The following ST8SIA1 variants were observed in gnomAD, a reference collection of about 807,000 sequenced individuals.
ST8SIA1 encodes ST8 alpha-N-acetyl-neuraminide alpha-2,8-sialyltransferase 1.
ST8SIA1 carries 16 observed loss-of-function variants against 35.9 expected under a neutral mutation model. The ratio of observed to expected loss-of-function variants is 0.45; its 90% confidence interval spans 0.30 to 0.68. The LOEUF (loss-of-function observed/expected upper bound fraction) is 0.68, where lower values mean the gene tolerates loss of function less well. ST8SIA1 is among the 30% of genes least tolerant of loss of function. ST8SIA1 has a pLI of 0.09. For synonymous variants in ST8SIA1, 170 were observed against 169.6 expected (o/e 1.00, Z -0.02); for missense variants, 383 against 453.6 (o/e 0.84, Z 1.41).
intron 2 of ST8SIA1, among the ~76,000 whole-genome samples, chr12:22,282,338 G>A (rs1405075897): frequency 6.6e-6 from 1 of 152,166 alleles, no homozygotes; most frequent in Non-Finnish European, 1.5e-5. Context: ...TAAGGGCTGA[G>A]CGAGATAACA....
chr12:22,242,026 C>T (rs1415938862), intron 4 of ST8SIA1, among the ~76,000 whole-genome samples: 1 of 151,774 alleles, frequency 6.6e-6, no homozygotes, highest in Non-Finnish European at 1.5e-5. Flanking sequence ...GAAAGTCATG[C>T]CTCCTATTAT....
intron 4 of ST8SIA1, among the ~76,000 whole-genome samples, chr12:22,244,581 C>G (rs1021902450): frequency 6.6e-6 from 1 of 152,136 alleles, no homozygotes; most frequent in East Asian, 1.9e-4. Context: ...CTCAGCCTCC[C>G]AAGTAGCTGG....
Position 22,334,104 on chromosome 12 carries a change from G to C in ST8SIA1, c.129C>G (p.Leu43=). ...GCAGCCGGTAGACGGGGAAGATGTA[G>C]AGCCAACAGAGGACCACGACACAGA... ...SALCVVVLCW[L]YIFPVYRLPN... Residue 43 remains leucine (L), a synonymous_variant, in exon 1 of 5, where the codon CTC becomes CTG. Transcript: ENST00000396037. 6.2e-7 allele frequency: 1 copy of C among 1,614,066 alleles called. No individual in the cohort carries two copies. The highest frequency in any genetic ancestry group is 1.1e-5 in the South Asian group (1 of 91,066).
At chr12:22,285,985 A>C (rs1224606229) in intron 2 of ST8SIA1, among the ~76,000 whole-genome samples, 2 of 152,138 alleles carry the variant, frequency 1.3e-5, no homozygotes, top group African/African-American at 2.4e-5. Context: ...CATAGAGACA[A>C]GACAGCTAAA....
chr12:22,201,612 G>A lies in ST8SIA1; in HGVS notation c.1011C>T (p.Ile337=), dbSNP rs375498016. The change falls in exon 5 of 5, where the codon ATC becomes ATT. Residue 337 remains isoleucine (I), a synonymous_variant. Coordinates refer to ENST00000396037, the MANE Select transcript of ST8SIA1 (RefSeq NM_003034.4). ...GGTCCAGCTGCATTCTCAGTGCACC[G>A]ATTTTATGAAGATACCAGAGTTGGA... is the stretch of plus-strand genomic sequence containing the variant. The part of the protein sequence containing the change: ...EFLQLWYLHK[I]GALRMQLDPC... 110 of 1,613,882 alleles carry A rather than the reference G, an allele frequency of 6.8e-5. No homozygotes were observed. The highest frequency in any genetic ancestry group is 8.6e-5 in the Non-Finnish European group (102 of 1,179,950).
At chr12:22,222,614 A>G (rs1865311887) in intron 4 of ST8SIA1, among the ~76,000 whole-genome samples, 1 of 148,082 alleles carries the variant, frequency 6.8e-6, no homozygotes, top group Non-Finnish European at 1.5e-5. Flanking sequence ...GAAAAAGACC[A>G]TATATATATA....
At position 22,197,488 on chromosome 12, in the gene ST8SIA1, G is replaced by T. The variant is rs1865002916; in HGVS notation, c.*4064C>A. On this transcript the variant is annotated 3_prime_UTR_variant, in exon 5 of 5. Transcript: ENST00000396037. ...TTTCAACCACAGAAGTTAAAACTCT[G>T]GATGGCTGACTTTCTATTAATAATC... 1 of 152,038 alleles carries T rather than the reference G, an allele frequency of 6.6e-6. No homozygotes were observed. The highest frequency in any genetic ancestry group is 2.4e-5 in the African/African-American group (1 of 41,376). The allele number at this position is 152,038 out of a possible 1,614,324, so 9.4% of individuals were successfully genotyped here. A position where few individuals can be genotyped will look rare whatever the true frequency, so the allele number is the denominator to read the frequency against.
At chr12:22,248,627 C>T (rs1865631115) in intron 4 of ST8SIA1, among the ~76,000 whole-genome samples, 1 of 152,118 alleles carries the variant, frequency 6.6e-6, no homozygotes, top group African/African-American at 2.4e-5. Flanking sequence ...AATGGATTGG[C>T]CATTGCTTTG....
intron 4 of ST8SIA1, among the ~76,000 whole-genome samples, chr12:22,205,822 A>G (rs1309845536): frequency 6.6e-6 from 1 of 152,192 alleles, no homozygotes; most frequent in Non-Finnish European, 1.5e-5. Flanking sequence ...ATATATTTCA[A>G]CACAGGAAAA....
chr12:22,215,376 A>G (rs779163690), intron 4 of ST8SIA1, among the ~76,000 whole-genome samples: 4 of 152,202 alleles, frequency 2.6e-5, no homozygotes, highest in Non-Finnish European at 4.4e-5. Context: ...CTATGCACTG[A>G]GGGATGTAGC....
intron 4 of ST8SIA1, among the ~76,000 whole-genome samples, chr12:22,203,407 A>T (rs1485588693): frequency 6.6e-6 from 1 of 152,152 alleles, no homozygotes; most frequent in African/African-American, 2.4e-5. Flanking sequence ...AATTATGTGA[A>T]ATTAAAGTTC....
chr12:22,228,212 A>AT (rs2120681984), intron 4 of ST8SIA1, among the ~76,000 whole-genome samples: 1 of 152,266 alleles, frequency 6.6e-6, no homozygotes, highest in Non-Finnish European at 1.5e-5. Context: ...CAGCTTTGGG[A>AT]TTTTCTGTGT....
At chr12:22,216,270 C>T (rs1865232892) in intron 4 of ST8SIA1, among the ~76,000 whole-genome samples, 1 of 152,188 alleles carries the variant, frequency 6.6e-6, no homozygotes, top group African/African-American at 2.4e-5. Context: ...AGGGGGCATT[C>T]TTCAAGGGCT....
chr12:22,286,815 T>C (rs1249719793), intron 2 of ST8SIA1, among the ~76,000 whole-genome samples: 1 of 152,130 alleles, frequency 6.6e-6, no homozygotes, highest in African/African-American at 2.4e-5. Context: ...CATTCCAGTA[T>C]CACACAAATC....
chr12:22,267,382 T>A (rs1328748538), intron 2 of ST8SIA1, among the ~76,000 whole-genome samples: 1 of 152,248 alleles, frequency 6.6e-6, no homozygotes, highest in African/African-American at 2.4e-5. Flanking sequence ...ATAACTATTT[T>A]ATTCCATTAA....
chr12:22,291,205 A>AAG (rs1866171485), intron 1 of ST8SIA1, among the ~76,000 whole-genome samples: 1 of 152,240 alleles, frequency 6.6e-6, no homozygotes, highest in African/African-American at 2.4e-5. Flanking sequence ...GAGGACACTT[A>AAG]ACAGGCAAAG....
At chr12:22,232,912 G>C (rs1865435540) in intron 4 of ST8SIA1, among the ~76,000 whole-genome samples, 1 of 152,162 alleles carries the variant, frequency 6.6e-6, no homozygotes. Flanking sequence ...ACTAAGTGAA[G>C]TAAGTGGTTT....
chr12:22,231,527 A>G (rs955401670), intron 4 of ST8SIA1, among the ~76,000 whole-genome samples: 2 of 152,044 alleles, frequency 1.3e-5, no homozygotes, highest in African/African-American at 4.8e-5. Context: ...GGATAAACTA[A>G]TTCTTCTACT....
rs546115096 is a variant in ST8SIA1, at chr12:22,268,190, A to C, written c.382-12801T>G. The stretch of plus-strand genomic sequence containing the variant: ...AATCCAGCCCCAGACTTTCTGGAGA[A>C]ATGCCAAGAATCTATCTAAGCAAAT... On this transcript the variant is annotated intron_variant, in intron 2 of 4. Coordinates refer to ENST00000396037, the MANE Select transcript of ST8SIA1 (RefSeq NM_003034.4). 5.9e-5 allele frequency among the ~76,000 whole-genome samples: 9 copies of C among 152,346 alleles called. No homozygotes were observed. The South Asian group carries it at 1.7e-3, about 28-fold the overall frequency.
Sources: gnomAD v4.1 joint callset for allele counts (sites outside exome capture counted in the v4.1 genomes callset) on GRCh38, gnomAD v4.1.1 for gene constraint, MANE v1.5 for transcripts, NCBI Gene and HGNC (gene_info 2026-07-23, HGNC 2026-07-21) for gene names.